The following SCAPER variants were observed in gnomAD, a reference collection of about 807,000 sequenced individuals.
SCAPER encodes the protein S-phase cyclin A associated protein in the ER.
SCAPER carries 98 observed loss-of-function variants against 182.2 expected under a neutral mutation model. The observed-to-expected ratio is 0.54, with a 90% confidence interval of 0.46 to 0.64. SCAPER has a LOEUF of 0.64. Ranked by LOEUF, SCAPER falls within the 30% of genes least tolerant of loss-of-function variation. The pLI, the probability that SCAPER is intolerant of heterozygous loss-of-function variation, is 0.00. For synonymous variants in SCAPER, 605 were observed against 564.6 expected (o/e 1.07, Z -1.01); for missense variants, 1,432 against 1,690.0 (o/e 0.85, Z 2.68).
At chr15:76,902,280 G>C (rs577663113) in intron 1 of SCAPER, among the ~76,000 whole-genome samples, 18 of 152,326 alleles carry the variant, frequency 1.2e-4, no homozygotes, top group African/African-American at 4.3e-4. Flanking sequence ...TCTCTTATAA[G>C]TGGGAATTAA....
intron 5 of SCAPER, among the ~76,000 whole-genome samples, chr15:76,826,340 C>T (rs1270644117): frequency 6.9e-6 from 1 of 143,890 alleles, no homozygotes; most frequent in African/African-American, 2.6e-5. Flanking sequence ...CATATTCTCA[C>T]TCATAGGTGG....
chr15:76,719,688 A>G (rs1405085599), intron 17 of SCAPER, among the ~76,000 whole-genome samples: 7 of 152,124 alleles, frequency 4.6e-5, no homozygotes, highest in Non-Finnish European at 1.0e-4. Context: ...AATAAAAACT[A>G]TTTTTTAAAA....
intron 7 of SCAPER, 63 bp from the exon 8 acceptor site, chr15:76,795,503 C>T (rs2151475813): frequency 8.1e-7 from 1 of 1,236,162 alleles, no homozygotes; most frequent in Non-Finnish European, 1.1e-6. Flanking sequence ...TGAATATATG[C>T]TAAATGTATT....
chr15:76,803,365 G>A (rs1355740817), intron 6 of SCAPER, among the ~76,000 whole-genome samples: 1 of 152,118 alleles, frequency 6.6e-6, no homozygotes, highest in Non-Finnish European at 1.5e-5. Flanking sequence ...CACCTCCTCA[G>A]GAAGCCTTCC....
At chr15:76,359,871 T>C (rs544591962) in intron 29 of SCAPER, among the ~76,000 whole-genome samples, 71 of 152,230 alleles carry the variant, frequency 4.7e-4, no homozygotes, top group Admixed American at 4.5e-3. Context: ...ATGAATGAAA[T>C]AAAGTGACAG....
chr15:76,377,085 A>T (rs2042623371), intron 28 of SCAPER, among the ~76,000 whole-genome samples: 1 of 152,212 alleles, frequency 6.6e-6, no homozygotes, highest in African/African-American at 2.4e-5. Context: ...CACTGGAATG[A>T]AGCACCACTG....
chr15:76,830,935 C>T (rs978122639), intron 5 of SCAPER, among the ~76,000 whole-genome samples: 2 of 152,046 alleles, frequency 1.3e-5, no homozygotes, highest in Non-Finnish European at 2.9e-5. Context: ...GCACCGTGAC[C>T]CATTCCTGGC....
intron 22 of SCAPER, among the ~76,000 whole-genome samples, chr15:76,615,534 A>ACAG (rs2051394305): frequency 7.2e-6 from 1 of 139,562 alleles, no homozygotes; most frequent in African/African-American, 2.8e-5. Context: ...CACACACACA[A>ACAG]ATGAGGCCAG....
intron 25 of SCAPER, among the ~76,000 whole-genome samples, chr15:76,448,373 G>A (rs2048147667): frequency 6.6e-6 from 1 of 152,086 alleles, no homozygotes; most frequent in Admixed American, 6.6e-5. Context: ...AAGAGTGAAG[G>A]GAGGGATGGT....
chr15:76,591,513 G>A (rs574430383), intron 22 of SCAPER, among the ~76,000 whole-genome samples: 1 of 152,144 alleles, frequency 6.6e-6, no homozygotes, highest in East Asian at 1.9e-4. Context: ...CCAGGTTGGA[G>A]TGCAGAGGTG....
chr15:76,381,347 G>T, intron 28 of SCAPER, 31 bp downstream of exon 28: 1 of 1,568,420 alleles, frequency 6.4e-7, no homozygotes, highest in Non-Finnish European at 8.7e-7. Flanking sequence ...CTCTTGATTG[G>T]TTAACATCGA....
intron 20 of SCAPER, among the ~76,000 whole-genome samples, chr15:76,676,910 A>C (rs1255123778): frequency 6.6e-6 from 1 of 151,034 alleles, no homozygotes; most frequent in Non-Finnish European, 1.5e-5. Context: ...TAAATATTAT[A>C]AATAATGTTA....
At chr15:76,732,347 G>A (rs911256906) in intron 16 of SCAPER, among the ~76,000 whole-genome samples, 1 of 151,882 alleles carries the variant, frequency 6.6e-6, no homozygotes, top group Non-Finnish European at 1.5e-5. Flanking sequence ...TTAATCATTA[G>A]TTTGTAGCAA....
intron 22 of SCAPER, among the ~76,000 whole-genome samples, chr15:76,592,028 C>T (rs1367605272): frequency 6.6e-6 from 1 of 152,152 alleles, no homozygotes; most frequent in Non-Finnish European, 1.5e-5. Flanking sequence ...CCATTGCACA[C>T]TACCCTCGGC....
chr15:76,447,164 T>C (rs1021900641), intron 25 of SCAPER, among the ~76,000 whole-genome samples: 1 of 152,188 alleles, frequency 6.6e-6, no homozygotes, highest in Admixed American at 6.5e-5. Context: ...CCCAATAGGA[T>C]AGGGTTTGAA....
chr15:76,431,040 C>T (rs1279471308), intron 26 of SCAPER, among the ~76,000 whole-genome samples: 1 of 152,138 alleles, frequency 6.6e-6, no homozygotes, highest in African/African-American at 2.4e-5. Context: ...CACAAGCTCT[C>T]TCTTTGCCTG....
intron 23 of SCAPER, among the ~76,000 whole-genome samples, chr15:76,512,224 A>G (rs960822671): frequency 2.6e-5 from 4 of 151,464 alleles, no homozygotes; most frequent in Admixed American, 6.6e-5. Flanking sequence ...AACACAAACA[A>G]TAATTTCTCT....
chr15:76,841,675 T>C (rs1248905667), intron 5 of SCAPER, 59 bp downstream of exon 5: 1 of 1,541,594 alleles, frequency 6.5e-7, no homozygotes, highest in Non-Finnish European at 8.8e-7. Flanking sequence ...AAGTCACATG[T>C]AGCAAAAATT....
chr15:76,357,807 G>A (rs2469556), intron 29 of SCAPER, among the ~76,000 whole-genome samples: 18,463 of 152,168 alleles, frequency 0.12, 1,519 homozygotes, highest in African/African-American at 0.24. Flanking sequence ...CAACATGGAT[G>A]GATCTGGAGG....
Sources: allele counts gnomAD v4.1 joint callset (sites outside exome capture counted in the v4.1 genomes callset), GRCh38; gene constraint gnomAD v4.1.1; transcripts MANE v1.5; gene names NCBI Gene and HGNC (gene_info 2026-07-23, HGNC 2026-07-21).